CETP: variants seen among roughly 807,000 people sequenced by gnomAD.
The protein encoded by CETP is BPI fold containing family F.
Under a neutral mutation model 66.5 loss-of-function variants are expected in CETP, and 56 were observed. That is an observed-to-expected ratio of 0.84 (90% confidence interval 0.68 to 1.05). The LOEUF (loss-of-function observed/expected upper bound fraction) is 1.05, where lower values mean the gene tolerates loss of function less well. Ranked by LOEUF, CETP falls within the 50% of genes least tolerant of loss-of-function variation. The pLI is 0.00. For missense variants in CETP, 612 were observed against 609.6 expected, an observed-to-expected ratio of 1.00 and a Z score of -0.04; for synonymous variants, 251 against 245.7, an observed-to-expected ratio of 1.02 and a Z score of -0.20.
intron 10 of CETP, among the ~76,000 whole-genome samples, chr16:56,977,353 C>T (rs551343692): frequency 6.6e-6 from 1 of 152,256 alleles, no homozygotes; most frequent in Admixed American, 6.5e-5. Flanking sequence ...GGCCACACTC[C>T]CCAGCCCCGC....
At position 56,969,645 on chromosome 16, in the gene CETP, G is replaced by A. The variant is rs138898516; in HGVS notation, c.403G>A (p.Asp135Asn). Reference protein sequence around the residue: ...GIDQSIDFEIDSAIDLQINTQ... With the variant: ...GIDQSIDFEINSAIDLQINTQ... ...TGATCAGTCCATTGACTTCGAGATC[G>A]ACTCTGCCATTGACCTCCAGATCAA... Residue 135 changes from aspartate to asparagine, a missense_variant, in exon 4 of 16, where the codon GAC (aspartate) becomes AAC (asparagine). By Grantham distance (23) the Asp-to-Asn change is conservative. Transcript: ENST00000200676. 44 of 1,613,876 alleles carry A rather than the reference G, an allele frequency of 2.7e-5. No homozygotes were observed. Among genetic ancestry groups the A allele is most frequent in the African/African-American group, 1.1e-4 (8 of 74,864 alleles).
At chr16:56,981,446 A>G (rs1212657904) in intron 12 of CETP, among the ~76,000 whole-genome samples, 1 of 152,158 alleles carries the variant, frequency 6.6e-6, no homozygotes, top group Non-Finnish European at 1.5e-5. Context: ...AGGGCCTGGC[A>G]GGAGGAGAGC....
intron 2 of CETP, among the ~76,000 whole-genome samples, chr16:56,963,998 A>T (rs984457852): frequency 4.6e-5 from 3 of 65,320 alleles, no homozygotes; most frequent in African/African-American, 1.7e-4. Context: ...TATTTTATTT[A>T]TTTATTTATT....
At chr16:56,972,553 G>A (rs1291535435) in intron 8 of CETP, among the ~76,000 whole-genome samples, 1 of 152,220 alleles carries the variant, frequency 6.6e-6, no homozygotes, top group Non-Finnish European at 1.5e-5. Flanking sequence ...GGAGGCTGCA[G>A]GGTGTCAGGC....
chr16:56,980,084 T>C (rs1436130211), intron 11 of CETP, among the ~76,000 whole-genome samples: 1 of 152,214 alleles, frequency 6.6e-6, no homozygotes, highest in African/African-American at 2.4e-5. Flanking sequence ...TACATAACCA[T>C]GCTACAGTGT....
intron 10 of CETP, 150 bp from the exon 11 acceptor site, chr16:56,977,941 C>T: frequency 3.6e-6 from 3 of 835,192 alleles, no homozygotes; most frequent in South Asian, 3.5e-5. Flanking sequence ...CTAATTTGCA[C>T]AGCCTGGGGC....
intron 2 of CETP, among the ~76,000 whole-genome samples, chr16:56,964,018 A>G (rs1481670407): frequency 7.2e-6 from 1 of 138,104 alleles, no homozygotes; most frequent in African/African-American, 2.7e-5. Context: ...TTATTTATTT[A>G]TTTATTTATT....
At chr16:56,972,881 G>A (rs2056122320) in intron 8 of CETP, among the ~76,000 whole-genome samples, 2 of 152,166 alleles carry the variant, frequency 1.3e-5, no homozygotes, top group African/African-American at 2.4e-5. Context: ...GGCCACTCCT[G>A]AAGCCTGTTC....
intron 5 of CETP, 139 bp downstream of exon 5, chr16:56,970,140 T>G (rs1357738201): frequency 1.3e-6 from 1 of 749,848 alleles, no homozygotes; most frequent in African/African-American, 1.7e-5. Flanking sequence ...TTCAGTGGGG[T>G]CACTTCCTAC....
At position 56,962,246 on chromosome 16, in the gene CETP, T is replaced by C. The variant is rs3816117; in HGVS notation, c.118+149T>C. 394,255 of 768,876 alleles carry C rather than the reference T, an allele frequency of 0.51. 102,113 individuals are homozygous for C. Among genetic ancestry groups the C allele is most frequent in the South Asian group, 0.61 (44,272 of 72,796 alleles). 47.6% of individuals were successfully genotyped at this position (768,876 alleles called of 1,614,324 possible). Reference sequence around the variant, plus strand: ...TGCCCTGGGAGGGAGATGGGCTGAGTGGAGCTGTCATCACCCCCTCCTGAC... The same window carrying C: ...TGCCCTGGGAGGGAGATGGGCTGAGCGGAGCTGTCATCACCCCCTCCTGAC... On this transcript the variant is annotated intron_variant, in intron 1 of 15. Transcript: ENST00000200676.
rs369294786 is a variant in CETP at position 56,963,084 on chromosome 16, G to C, written c.193G>C (p.Ala65Pro). 34 of 1,614,046 alleles carry C rather than the reference G, an allele frequency of 2.1e-5. No individual in the cohort carries two copies. The highest frequency in any genetic ancestry group is 2.9e-5 in the Non-Finnish European group (34 of 1,180,016). The change falls in exon 2 of 16, where the codon GCC becomes CCC. Residue 65 changes from alanine to proline, a missense_variant. Physicochemically the swap from Ala to Pro is conservative, Grantham distance 27. Transcript: ENST00000200676. ...CTACCCAGATATCACGGGCGAGAAG[G>C]CCATGATGCTCCTTGGCCAAGTCAA... is the stretch of plus-strand genomic sequence containing the variant. ...ASYPDITGEK[A>P]MMLLGQVKYG...
intron 10 of CETP, among the ~76,000 whole-genome samples, chr16:56,975,840 C>A (rs2056146406): frequency 6.6e-6 from 1 of 152,108 alleles, no homozygotes; most frequent in South Asian, 2.1e-4. Flanking sequence ...CCACACACAA[C>A]CTGCTTACCA....
rs1369175033 is a variant in CETP at position 56,975,106 on chromosome 16, GC to G, written c.937del (p.Leu313TrpfsTer49). 6.2e-7 allele frequency: 1 copy of G among 1,614,102 alleles called. No individual in the cohort carries two copies. ...ACTTCCTCATTTCTTTTCAGGCAGT[GC>G]TGGAGACCTGGGGCTTCAACACCAA... is the stretch of plus-strand genomic sequence containing the variant. The part of the protein sequence containing the change: ...SLMGDEFKAV[L>X]ETWGFNTNQE... On this transcript the variant is annotated frameshift_variant, in exon 10 of 16. Transcript: ENST00000200676. LOFTEE classifies it high-confidence loss of function.
intron 7 of CETP, 127 bp from the exon 8 acceptor site, chr16:56,971,865 C>A (rs1427214705): frequency 2.4e-6 from 2 of 833,068 alleles, no homozygotes. Context: ...CCCCGCACAC[C>A]CAGGTCCCAC....
chr16:56,969,873 T>C lies in CETP; in HGVS notation c.440-41T>C, dbSNP rs1326390966. 4.4e-6 allele frequency: 7 copies of C among 1,600,554 alleles called. No individual in the cohort carries two copies. In the African/African-American group the frequency reaches 6.7e-5, roughly 15 times the overall value. On this transcript the variant is annotated intron_variant, in intron 4 of 15. Coordinates refer to ENST00000200676, the MANE Select transcript of CETP (RefSeq NM_000078.3). ...TGGGCAGCATGTGGATACCATCTGA[T>C]AGCGGAGGCTGCCCTGAGGTCATGT...
chr16:56,970,009 C>T lies in CETP; in HGVS notation c.527+8C>T, dbSNP rs1188403104. On this transcript the variant is annotated splice_region_variant and intron_variant, in intron 5 of 15. Transcript: ENST00000200676. The stretch of plus-strand genomic sequence containing the variant: ...TCTCCAAGGGGAGCGAGAGTAAGTA[C>T]ACCACCCTGTGGCCCCCATTCCTGC... 5 of 1,612,252 alleles carry T rather than the reference C, an allele frequency of 3.1e-6. No individual in the cohort carries two copies. The highest frequency in any genetic ancestry group is 1.1e-5 in the South Asian group (1 of 90,848).
intron 1 of CETP, 129 bp from the exon 2 acceptor site, chr16:56,962,881 C>T (rs2056034620): frequency 5.2e-6 from 4 of 775,000 alleles, no homozygotes; most frequent in African/African-American, 5.1e-5. Flanking sequence ...CCCAGTCCAA[C>T]CCCTCAGCTT....
intron 1 of CETP, 127 bp downstream of exon 1, chr16:56,962,224 C>T (rs2056028718): frequency 1.2e-6 from 1 of 837,168 alleles, no homozygotes; most frequent in Non-Finnish European, 2.1e-6. Flanking sequence ...AGAGGAGTGC[C>T]CTGGGAGGGA....
intron 2 of CETP, among the ~76,000 whole-genome samples, chr16:56,964,755 C>T (rs1596994975): frequency 6.6e-6 from 1 of 152,360 alleles, no homozygotes; most frequent in African/African-American, 2.4e-5. Flanking sequence ...GGAAAACTCC[C>T]GCCGCTAGCG....
Sources: gnomAD v4.1 joint callset for allele counts (sites outside exome capture counted in the v4.1 genomes callset) on GRCh38, gnomAD v4.1.1 for gene constraint, MANE v1.5 for transcripts, NCBI Gene and HGNC (gene_info 2026-07-23, HGNC 2026-07-21) for gene names.